The following SCAPER variants were observed in gnomAD, a reference collection of about 807,000 sequenced individuals.
SCAPER encodes the protein S-phase cyclin A associated protein in the ER.
In SCAPER, 98 loss-of-function variants were observed where a neutral mutation model predicts 182.2. That is an observed-to-expected ratio of 0.54 (90% CI 0.46 to 0.64). The LOEUF (loss-of-function observed/expected upper bound fraction) is 0.64. Among genes scored for constraint, SCAPER ranks in the 30% least tolerant of loss-of-function variants. The pLI, the probability that SCAPER is intolerant of heterozygous loss-of-function variation, is 0.00. For synonymous variants in SCAPER, 605 were observed against 564.6 expected, an observed-to-expected ratio of 1.07 and a Z score of -1.01; for missense variants, 1,432 against 1,690.0, an observed-to-expected ratio of 0.85 and a Z score of 2.68.
intron 2 of SCAPER, among the ~76,000 whole-genome samples, chr15:76,871,980 T>C (rs558731400): frequency 1.3e-5 from 2 of 152,148 alleles, no homozygotes; most frequent in Admixed American, 1.3e-4. Context: ...AATAAATATT[T>C]TGAATATTAA....
intron 29 of SCAPER, among the ~76,000 whole-genome samples, chr15:76,374,140 A>C (rs1301666681): frequency 1.3e-5 from 2 of 152,038 alleles, no homozygotes; most frequent in African/African-American, 4.8e-5. Context: ...CTGTAATCCC[A>C]GTACTTTGGG....
intron 23 of SCAPER, among the ~76,000 whole-genome samples, chr15:76,558,278 A>G (rs1763860409): frequency 6.6e-6 from 1 of 152,240 alleles, no homozygotes; most frequent in Non-Finnish European, 1.5e-5. Context: ...TCCAGGATCT[A>G]TAAGGAACTT....
At chr15:76,650,216 A>T (rs1156709178) in intron 21 of SCAPER, among the ~76,000 whole-genome samples, 1 of 152,126 alleles carries the variant, frequency 6.6e-6, no homozygotes, top group Non-Finnish European at 1.5e-5. Context: ...ATCAATGAAG[A>T]GACAAATGTC....
intron 27 of SCAPER, among the ~76,000 whole-genome samples, chr15:76,396,273 T>C (rs1402193223): frequency 6.6e-6 from 1 of 152,212 alleles, no homozygotes; most frequent in Non-Finnish European, 1.5e-5. Context: ...TCCAGTTTTG[T>C]TCTTTTCCCT....
chr15:76,830,368 T>C (rs2068360838), intron 5 of SCAPER, among the ~76,000 whole-genome samples: 1 of 152,138 alleles, frequency 6.6e-6, no homozygotes, highest in Non-Finnish European at 1.5e-5. Context: ...ATATTTGTCA[T>C]TTTCTAAGTA....
intron 23 of SCAPER, among the ~76,000 whole-genome samples, chr15:76,522,212 A>T (rs2042888863): frequency 6.6e-6 from 1 of 152,108 alleles, no homozygotes; most frequent in African/African-American, 2.4e-5. Flanking sequence ...TTTTCTAAAA[A>T]TTGTAAAAAC....
At chr15:76,374,648 A>ATT (rs2042414857) in intron 29 of SCAPER, among the ~76,000 whole-genome samples, 1 of 151,360 alleles carries the variant, frequency 6.6e-6, no homozygotes, top group African/African-American at 2.4e-5. Flanking sequence ...TGCCCGGTTA[A>ATT]TTTTGTATTT....
chr15:76,779,344 C>T (rs758003594), intron 8 of SCAPER, among the ~76,000 whole-genome samples: 4 of 152,002 alleles, frequency 2.6e-5, no homozygotes, highest in Non-Finnish European at 4.4e-5. Flanking sequence ...AGTATGTTCA[C>T]AATAGGAATT....
intron 5 of SCAPER, among the ~76,000 whole-genome samples, chr15:76,828,377 A>G (rs998039647): frequency 2.0e-5 from 3 of 149,922 alleles, no homozygotes; most frequent in African/African-American, 7.3e-5. Context: ...TCCATTATTC[A>G]ACATACCCAA....
At chr15:76,700,378 T>C (rs1344947756) in intron 20 of SCAPER, among the ~76,000 whole-genome samples, 1 of 152,190 alleles carries the variant, frequency 6.6e-6, no homozygotes, top group Non-Finnish European at 1.5e-5. Context: ...AGCTCAAATG[T>C]CCGTGGGGGT....
At chr15:76,371,477 G>A (rs1290540812) in intron 29 of SCAPER, among the ~76,000 whole-genome samples, 1 of 151,716 alleles carries the variant, frequency 6.6e-6, no homozygotes, top group African/African-American at 2.4e-5. Flanking sequence ...GTGCCACCAC[G>A]CTCGGCTAAT....
At chr15:76,394,215 G>A (rs1029366913) in intron 27 of SCAPER, among the ~76,000 whole-genome samples, 1 of 152,174 alleles carries the variant, frequency 6.6e-6, no homozygotes, top group Non-Finnish European at 1.5e-5. Context: ...CTAATAGGTA[G>A]CACTAGGGAG....
In SCAPER at chr15:76,821,878, T is replaced by TA. The variant is rs202243558; in HGVS notation, c.394-17246dup. ...GGGCAACACAGTAAGACCTCATCTC[T>TA]AAAAAAAAAGGTAAGAAATAAAAGT... On this transcript the variant is annotated intron_variant, in intron 5 of 31. Transcript: ENST00000563290. 3.2e-3 allele frequency among the ~76,000 whole-genome samples: 476 copies of TA among 149,704 alleles called. 4 individuals are homozygous for TA. Among genetic ancestry groups the TA allele is most frequent in the African/African-American group, 0.011 (457 of 40,744 alleles).
At chr15:76,504,076 C>T (rs1003248933) in intron 24 of SCAPER, among the ~76,000 whole-genome samples, 5 of 151,802 alleles carry the variant, frequency 3.3e-5, no homozygotes, top group East Asian at 1.9e-4. Flanking sequence ...TTTGTAGGGA[C>T]GGGGTCTCGC....
chr15:76,433,476 G>A (rs2142530746), intron 26 of SCAPER, among the ~76,000 whole-genome samples: 1 of 152,224 alleles, frequency 6.6e-6, no homozygotes, highest in Non-Finnish European at 1.5e-5. Flanking sequence ...CTGCACCACT[G>A]CACTCCAGAC....
At chr15:76,627,653 A>G (rs560294199) in intron 21 of SCAPER, among the ~76,000 whole-genome samples, 18 of 152,310 alleles carry the variant, frequency 1.2e-4, no homozygotes, top group Admixed American at 1.0e-3. Flanking sequence ...ATAGTATTCC[A>G]TGGTGTATAT....
At chr15:76,753,726 C>T in intron 15 of SCAPER, 82 bp downstream of exon 15, 1 of 1,431,596 alleles carries the variant, frequency 7.0e-7, no homozygotes. Flanking sequence ...ATTGGATAAA[C>T]ATTATCTTCT....
At chr15:76,461,330 C>CTT (rs58709477) in intron 25 of SCAPER, among the ~76,000 whole-genome samples, 5 of 143,268 alleles carry the variant, frequency 3.5e-5, no homozygotes, top group African/African-American at 7.7e-5. Context: ...TATTACCCAA[C>CTT]TTTTTTTTTT....
intron 29 of SCAPER, among the ~76,000 whole-genome samples, chr15:76,366,846 G>C (rs1217966073): frequency 6.6e-6 from 1 of 152,098 alleles, no homozygotes; most frequent in Non-Finnish European, 1.5e-5. Context: ...TGCCCCTTTG[G>C]GAAGGGAAGC....
Sources: allele counts gnomAD v4.1 joint callset (sites outside exome capture counted in the v4.1 genomes callset), GRCh38; gene constraint gnomAD v4.1.1; transcripts MANE v1.5; gene names NCBI Gene and HGNC (gene_info 2026-07-23, HGNC 2026-07-21).